LRRC53: variants seen among roughly 807,000 people sequenced by gnomAD.
LRRC53 encodes leucine rich repeat containing 53, also known as leucine-rich repeat-containing protein 53.
LRRC53 carries 25 observed loss-of-function variants against 13.6 expected under a neutral mutation model. The ratio of observed to expected loss-of-function variants is 1.83; its 90% confidence interval spans 1.34 to 2.56. The LOEUF (loss-of-function observed/expected upper bound fraction) is 2.56. Among genes scored for constraint, LRRC53 ranks in the 30% most tolerant of loss-of-function variants. The pLI, the probability that LRRC53 is intolerant of heterozygous loss-of-function variation, is 0.00. For synonymous variants in LRRC53, 204 were observed against 109.8 expected (o/e 1.86, Z -5.37); for missense variants, 527 against 275.8 (o/e 1.91, Z -6.45).
Position 74,475,304 on chromosome 1 carries a change from T to G in LRRC53, c.1411A>C (p.Arg471=), listed in dbSNP as rs1187573281. The change falls in exon 4 of 5, where the codon AGA becomes CGA. Residue 471 remains arginine, a synonymous_variant. Coordinates refer to ENST00000294635, the MANE Select transcript of LRRC53 (RefSeq NM_001382280.1). ...AACAAGACAAACTCACCTTCTGTTCTTATTATATGGTGTTGCAGAGTTTGA... is the reference window on the plus strand; with the variant it reads ...AACAAGACAAACTCACCTTCTGTTCGTATTATATGGTGTTGCAGAGTTTGA... ...QPQTLQHHII[R]TEDISSDIFR... 3.0e-6 allele frequency: 2 copies of G among 658,450 alleles called. No homozygotes were observed. The highest frequency in any genetic ancestry group is 1.8e-5 in the African/African-American group (1 of 54,450). The allele number at this position is 658,450 out of a possible 1,614,324, so 40.8% of individuals were successfully genotyped here.
At chr1:74,530,056 C>T in the LRRC53 span, among the ~76,000 whole-genome samples, 443 of 152,270 alleles carry the variant, frequency 2.9e-3, 1 homozygote, top group African/African-American at 0.01. Flanking sequence ...CCTCTACCTC[C>T]TGGCCTCAAG....
intron 2 of LRRC53, among the ~76,000 whole-genome samples, chr1:74,482,025 G>A (rs1229529918): frequency 6.6e-6 from 1 of 152,194 alleles, no homozygotes; most frequent in Non-Finnish European, 1.5e-5. Flanking sequence ...TGCAGCACAA[G>A]CAAGCTTAAA....
chr1:74,500,368 G>A lies in LRRC53; in HGVS notation c.-27+12158C>T, dbSNP rs368577879. ...AAAATTATTTAAGCCTTGGGAGGCC[G>A]AGGCGGGCGGATCACGAGGTCAGGA... On this transcript the variant is annotated intron_variant, in intron 1 of 4. Coordinates refer to ENST00000294635, the MANE Select transcript of LRRC53 (RefSeq NM_001382280.1). 5.3e-5 allele frequency among the ~76,000 whole-genome samples: 8 copies of A among 151,580 alleles called. No homozygotes were observed. In the East Asian group the frequency reaches 1.5e-3, roughly 29 times the overall value.
chr1:74,493,343 G>A (rs1225834025), intron 1 of LRRC53, among the ~76,000 whole-genome samples: 1 of 152,094 alleles, frequency 6.6e-6, no homozygotes, highest in Non-Finnish European at 1.5e-5. Context: ...TTTTAAAATG[G>A]TTATTTCTAT....
chr1:74,485,898 T>C lies in LRRC53; in HGVS notation c.-26-2523A>G, dbSNP rs781059021. ...TCAGTACTGCCAACAACCAATGCGC[T>C]TAAAAGAGGCCTTGAGCCTCAGATG... On this transcript the variant is annotated intron_variant, in intron 1 of 4. Transcript: ENST00000294635. Among the ~76,000 whole-genome samples, 7 of 152,204 alleles carry C rather than the reference T, an allele frequency of 4.6e-5. No individual in the cohort carries two copies. The South Asian group carries it at 1.2e-3, about 27-fold the overall frequency.
chr1:74,535,816 T>A, the LRRC53 span, among the ~76,000 whole-genome samples: 1 of 152,198 alleles, frequency 6.6e-6, no homozygotes, highest in Admixed American at 6.5e-5. Context: ...TCAGTCACAA[T>A]TGAATCTAAC....
intron 1 of LRRC53, chr1:74,492,299 A>T (rs754005856): frequency 1.4e-6 from 2 of 1,453,782 alleles, no homozygotes; most frequent in Non-Finnish European, 1.8e-6. Flanking sequence ...CTCACAGTAA[A>T]GTCTTATTTC....
chr1:74,482,999 G>A (rs867105695), intron 2 of LRRC53, among the ~76,000 whole-genome samples: 1 of 152,200 alleles, frequency 6.6e-6, no homozygotes, highest in Non-Finnish European at 1.5e-5. Flanking sequence ...TTTGTTAAGT[G>A]TGTAGCTGGA....
chr1:74,494,509 C>T (rs1183936101), intron 1 of LRRC53, among the ~76,000 whole-genome samples: 2 of 152,094 alleles, frequency 1.3e-5, no homozygotes, highest in Non-Finnish European at 2.9e-5. Context: ...ACCCATAGGC[C>T]AAGACTACAT....
At position 74,471,934 on chromosome 1, in the gene LRRC53, G is replaced by C. The variant is rs1338388332; in HGVS notation, c.1688C>G (p.Pro563Arg). 1 of 520,324 alleles carries C rather than the reference G, an allele frequency of 1.9e-6. No individual in the cohort carries two copies. The highest frequency in any genetic ancestry group is 3.6e-5 in the Admixed American group (1 of 27,642). 32.2% of individuals were successfully genotyped at this position (520,324 alleles called of 1,614,324 possible). A position where few individuals can be genotyped will look rare whatever the true frequency, so the allele number is the denominator to read the frequency against. Residue 563 changes from proline to arginine, a missense_variant, in exon 5 of 5, where the codon CCT becomes CGT. Physicochemically the swap from Pro to Arg is moderately radical, Grantham distance 103. Coordinates refer to ENST00000294635, the MANE Select transcript of LRRC53 (RefSeq NM_001382280.1). ...DPCGLLKQSKPRYFQPNNSLI... is the reference protein window; with the variant it reads ...DPCGLLKQSKRRYFQPNNSLI... ...AGAATTGTTTGGCTGAAAATACCTA[G>C]GTTTGCTCTGTTTTAACAGTCCACA...
chr1:74,508,085 C>T (rs147127527), intron 1 of LRRC53, among the ~76,000 whole-genome samples: 459 of 152,252 alleles, frequency 3.0e-3, no homozygotes, highest in African/African-American at 0.01. Context: ...CTAACACAGA[C>T]GGAGGCATTA....
chr1:74,514,241 C>G (rs1221594395), upstream of LRRC53, among the ~76,000 whole-genome samples: 1 of 152,120 alleles, frequency 6.6e-6, no homozygotes. Context: ...TACATTCTGA[C>G]CAAAATGCTA....
chr1:74,506,151 G>A (rs1228521650), intron 1 of LRRC53, among the ~76,000 whole-genome samples: 1 of 152,120 alleles, frequency 6.6e-6, no homozygotes, highest in Admixed American at 6.5e-5. Context: ...CCTGGCCAAA[G>A]GATAAAAAGA....
At chr1:74,489,717 T>A (rs1421478114) in intron 1 of LRRC53, among the ~76,000 whole-genome samples, 3 of 152,200 alleles carry the variant, frequency 2.0e-5, no homozygotes, top group Non-Finnish European at 4.4e-5. Context: ...ATGTGATATA[T>A]GTTGGTAATC....
At chr1:74,501,460 G>T (rs1026936639) in intron 1 of LRRC53, among the ~76,000 whole-genome samples, 9 of 144,230 alleles carry the variant, frequency 6.2e-5, no homozygotes, top group East Asian at 2.2e-4. Flanking sequence ...AACTTGGAGG[G>T]TTTTTTTTGT....
chr1:74,528,055 G>C, the LRRC53 span, among the ~76,000 whole-genome samples: 3 of 152,274 alleles, frequency 2.0e-5, no homozygotes, highest in African/African-American at 7.2e-5. Context: ...GATCAGAATC[G>C]AAGCCCAGGA....
chr1:74,495,492 GGTGTGTAATCA>G (rs1669284734), intron 1 of LRRC53, among the ~76,000 whole-genome samples: 1 of 152,222 alleles, frequency 6.6e-6, no homozygotes, highest in Admixed American at 6.5e-5. Flanking sequence ...TTTTTCACTT[GGTGTGTAATCA>G]GTGAATGAGC....
At chr1:74,484,205 G>T (rs892000207) in intron 1 of LRRC53, among the ~76,000 whole-genome samples, 8 of 111,856 alleles carry the variant, frequency 7.2e-5, no homozygotes, top group African/African-American at 2.5e-4. Flanking sequence ...TATCTTCCCT[G>T]GTTGATTAAA....
At chr1:74,529,488 T>C in the LRRC53 span, among the ~76,000 whole-genome samples, 1 of 152,142 alleles carries the variant, frequency 6.6e-6, no homozygotes, top group African/African-American at 2.4e-5. Context: ...TAAAGAAACA[T>C]GACAATTCAG....
Sources: gnomAD v4.1 joint callset for allele counts (sites outside exome capture counted in the v4.1 genomes callset) on GRCh38, gnomAD v4.1.1 for gene constraint, MANE v1.5 for transcripts, NCBI Gene and HGNC (gene_info 2026-07-23, HGNC 2026-07-21) for gene names.